The following ALPL variants were observed in gnomAD, a reference collection of about 807,000 sequenced individuals.
ALPL encodes alkaline phosphatase, tissue-nonspecific isozyme.
Under a neutral mutation model 51.3 loss-of-function variants are expected in ALPL, and 42 were observed. The ratio of observed to expected loss-of-function variants is 0.82; its 90% confidence interval spans 0.64 to 1.06. The LOEUF (loss-of-function observed/expected upper bound fraction) is 1.06. Among genes scored for constraint, ALPL ranks in the 50% least tolerant of loss-of-function variants. ALPL has a pLI of 0.00. For missense variants in ALPL, 589 were observed against 709.4 expected (o/e 0.83, Z 1.93); for synonymous variants, 279 against 296.4 (o/e 0.94, Z 0.60).
chr1:21,511,777 G>A (rs1643692545), intron 1 of ALPL, among the ~76,000 whole-genome samples: 1 of 152,124 alleles, frequency 6.6e-6, no homozygotes, highest in South Asian at 2.1e-4. Context: ...CCTAGCTCAG[G>A]ACCAAACTCA....
chr1:21,559,048 TCTTTACC>T (rs1644450141), intron 2 of ALPL, among the ~76,000 whole-genome samples: 1 of 152,122 alleles, frequency 6.6e-6, no homozygotes. Context: ...GGAGGGCTGT[TCTTTACC>T]CACGGCCACT....
intron 1 of ALPL, among the ~76,000 whole-genome samples, chr1:21,528,346 T>C (rs6665445): frequency 0.38 from 25,313 of 66,740 alleles, 2,858 homozygotes; most frequent in Non-Finnish European, 0.39. Flanking sequence ...TATTCAGTTT[T>C]TTTTTTTTTT....
Position 21,564,097 on chromosome 1 carries a change from G to T in ALPL, c.529G>T (p.Ala177Ser). 6.2e-7 allele frequency: 1 copy of T among 1,614,044 alleles called. No homozygotes were observed. The highest frequency in any genetic ancestry group is 8.5e-7 in the Non-Finnish European group (1 of 1,179,996). The stretch of plus-strand genomic sequence containing the variant: ...AGTGAACCATGCCACCCCCAGCGCC[G>T]CCTACGCCCACTCGGCTGACCGGGA... Reference protein sequence around the residue: ...TRVNHATPSAAYAHSADRDWY... With the variant: ...TRVNHATPSASYAHSADRDWY... Residue 177 changes from alanine to serine, a missense_variant, in exon 6 of 12, where the codon GCC becomes TCC. Transcript: ENST00000374840. This position sits in a 1 kb window ranked among gnomAD's most constrained non-coding sequence, Gnocchi z 5.8.
intron 1 of ALPL, among the ~76,000 whole-genome samples, chr1:21,548,960 A>T (rs1446463988): frequency 6.6e-6 from 1 of 152,052 alleles, no homozygotes; most frequent in Non-Finnish European, 1.5e-5. Flanking sequence ...TGCTGTTTGG[A>T]CATCTAGTTT....
At chr1:21,565,924 C>A (rs1409975520) in intron 6 of ALPL, among the ~76,000 whole-genome samples, 3 of 152,106 alleles carry the variant, frequency 2.0e-5, no homozygotes, top group Non-Finnish European at 2.9e-5. Flanking sequence ...GTTTAATGAG[C>A]CCGTGTGAAG....
intron 1 of ALPL, among the ~76,000 whole-genome samples, chr1:21,551,830 A>G (rs1644328407): frequency 7.0e-6 from 1 of 142,414 alleles, no homozygotes; most frequent in Non-Finnish European, 1.5e-5. Flanking sequence ...GGTTCACGCC[A>G]TTCTCCTGCC....
intron 7 of ALPL, among the ~76,000 whole-genome samples, chr1:21,568,614 C>G (rs556222100): frequency 6.6e-6 from 1 of 151,992 alleles, no homozygotes; most frequent in Non-Finnish European, 1.5e-5. Flanking sequence ...GCATGGGGGA[C>G]GCCTGGCTCT....
chr1:21,575,976 C>A, intron 10 of ALPL, 52 bp downstream of exon 10: 1 of 1,601,608 alleles, frequency 6.2e-7, no homozygotes, highest in Non-Finnish European at 8.6e-7. Context: ...TGTCTACCCA[C>A]CTGGGAGCAG....
intron 1 of ALPL, among the ~76,000 whole-genome samples, chr1:21,512,390 CA>C (rs1365451009): frequency 6.6e-6 from 1 of 152,192 alleles, no homozygotes; most frequent in African/African-American, 2.4e-5. Context: ...GTCGCAAGAT[CA>C]TAAATGGTTT....
At chr1:21,517,472 A>C (rs1304737095) in intron 1 of ALPL, among the ~76,000 whole-genome samples, 1 of 151,844 alleles carries the variant, frequency 6.6e-6, no homozygotes, top group Non-Finnish European at 1.5e-5. Context: ...TTTGTTTTTC[A>C]GTGAGTGTTT....
intron 1 of ALPL, among the ~76,000 whole-genome samples, chr1:21,542,939 C>T (rs1194376907): frequency 6.6e-6 from 1 of 151,902 alleles, no homozygotes; most frequent in Non-Finnish European, 1.5e-5. Flanking sequence ...ATCACTTGAA[C>T]CCAGGAGTTC....
intron 1 of ALPL, among the ~76,000 whole-genome samples, chr1:21,525,831 T>C (rs1643933979): frequency 1.3e-5 from 2 of 152,000 alleles, no homozygotes; most frequent in South Asian, 4.1e-4. Context: ...CTACTAAAAA[T>C]ACAAAAATTA....
intron 1 of ALPL, among the ~76,000 whole-genome samples, chr1:21,537,390 G>A (rs371367606): frequency 6.6e-6 from 1 of 152,228 alleles, no homozygotes; most frequent in Non-Finnish European, 1.5e-5. Flanking sequence ...AGAGGCCAAC[G>A]TGACTGAAGC....
rs1182369387 is a variant in ALPL, at chr1:21,576,279, A to ATGGATGGG, written c.1190-235_1190-228dup. On this transcript the variant is annotated intron_variant, in intron 10 of 11. Coordinates refer to ENST00000374840, the MANE Select transcript of ALPL (RefSeq NM_000478.6). The stretch of plus-strand genomic sequence containing the variant: ...GATGGATGGATGGATGGGTGGATGG[A>ATGGATGGG]TGGATGGGTGGATGGATGGATGGAT... 0.012 allele frequency among the ~76,000 whole-genome samples: 1,829 copies of ATGGATGGG among 148,316 alleles called. 43 individuals are homozygous for ATGGATGGG. The highest frequency in any genetic ancestry group is 0.034 in the African/African-American group (1,353 of 39,940).
chr1:21,564,611 G>A lies in ALPL; in HGVS notation c.648+395G>A, dbSNP rs551116547. Reference sequence around the variant, plus strand: ...TGTACACTCAACCACCAGCATGCCCGGCAAAGAGCTGGTGTGTACAGTGGT... The same window carrying A: ...TGTACACTCAACCACCAGCATGCCCAGCAAAGAGCTGGTGTGTACAGTGGT... On this transcript the variant is annotated intron_variant, in intron 6 of 11. Transcript: ENST00000374840. This position sits in a 1 kb window ranked among gnomAD's most constrained non-coding sequence, Gnocchi z 5.8. Among the ~76,000 whole-genome samples the A allele has an allele frequency of 1.6e-4, 25 of 152,308 alleles. No individual in the cohort carries two copies. The highest frequency in any genetic ancestry group is 3.4e-3 in the Middle Eastern group (1 of 294).
At chr1:21,554,887 T>TC (rs1644390501) in intron 2 of ALPL, among the ~76,000 whole-genome samples, 4 of 133,256 alleles carry the variant, frequency 3.0e-5, no homozygotes, top group African/African-American at 1.1e-4. Context: ...CTTTCTTTCT[T>TC]TTTCTTTCTT....
intron 1 of ALPL, among the ~76,000 whole-genome samples, chr1:21,523,868 TGC>T (rs1356101105): frequency 2.0e-5 from 3 of 152,130 alleles, no homozygotes; most frequent in Non-Finnish European, 2.9e-5. Context: ...GGGATGTGTC[TGC>T]CATGGGGTTG....
chr1:21,522,853 G>A (rs1348604191), intron 1 of ALPL, among the ~76,000 whole-genome samples: 1 of 152,164 alleles, frequency 6.6e-6, no homozygotes, highest in Non-Finnish European at 1.5e-5. Flanking sequence ...CATTGTAACA[G>A]TAACAGCTCA....
At chr1:21,538,195 G>A (rs781125513) in intron 1 of ALPL, among the ~76,000 whole-genome samples, 5 of 152,150 alleles carry the variant, frequency 3.3e-5, no homozygotes, top group Non-Finnish European at 4.4e-5. Flanking sequence ...CCCATTTGAC[G>A]GGTGAGGTGG....
Sources: gnomAD v4.1 joint callset for allele counts (sites outside exome capture counted in the v4.1 genomes callset) on GRCh38, gnomAD v4.1.1 for gene constraint, Gnocchi (gnomAD v3.1) non-coding constraint, MANE v1.5 for transcripts, NCBI Gene and HGNC (gene_info 2026-07-23, HGNC 2026-07-21) for gene names.